SLC24A4: variants seen among roughly 807,000 people sequenced by gnomAD.
SLC24A4 encodes the protein sodium/potassium/calcium exchanger 4.
A neutral mutation model predicts 79.0 loss-of-function variants in SLC24A4; 53 were observed. That is an observed-to-expected ratio of 0.67 (90% CI 0.54 to 0.84). The LOEUF is 0.84. Among genes scored for constraint, SLC24A4 ranks in the 40% least tolerant of loss-of-function variants. SLC24A4 has a pLI of 0.00. For missense variants in SLC24A4, 731 were observed against 822.0 expected, an observed-to-expected ratio of 0.89 and a Z score of 1.35; for synonymous variants, 323 against 323.8, an observed-to-expected ratio of 1.00 and a Z score of 0.03.
rs1468277822 is a variant in SLC24A4 at position 92,449,025 on chromosome 14, G to T, written c.738-49G>T. The T allele has an allele frequency of 1.9e-6, 3 of 1,607,250 alleles. No homozygotes were observed. The African/African-American group carries it at 4.0e-5, about 21-fold the overall frequency. ...GTGTGATCCACCCGCTGCCCAGTTG[G>T]TGGGACTCCTTTCCATTGCCCTGAC... On this transcript the variant is annotated intron_variant, in intron 9 of 16. Transcript: ENST00000532405.
At chr14:92,399,697 T>G (rs1038820475) in intron 2 of SLC24A4, among the ~76,000 whole-genome samples, 3 of 152,260 alleles carry the variant, frequency 2.0e-5, no homozygotes, top group Non-Finnish European at 4.4e-5. Context: ...GATCATTTAC[T>G]TCTCTGGTAA....
chr14:92,470,915 G>T (rs900196280), intron 12 of SLC24A4, among the ~76,000 whole-genome samples: 8 of 152,228 alleles, frequency 5.3e-5, no homozygotes, highest in Non-Finnish European at 1.2e-4. Context: ...TAGACCCAGG[G>T]TTCAGAGGAA....
At chr14:92,382,654 G>T (rs1278808270) in intron 2 of SLC24A4, among the ~76,000 whole-genome samples, 10 of 152,164 alleles carry the variant, frequency 6.6e-5, no homozygotes, top group Admixed American at 6.5e-4. Context: ...ATCAGAGCAG[G>T]AACTGGAACC....
chr14:92,371,017 TAGAA>T (rs1419090997), intron 2 of SLC24A4, among the ~76,000 whole-genome samples: 11 of 152,188 alleles, frequency 7.2e-5, no homozygotes, highest in African/African-American at 2.2e-4. Flanking sequence ...ATACAAGAGA[TAGAA>T]AGAAATTATT....
intron 2 of SLC24A4, among the ~76,000 whole-genome samples, chr14:92,371,748 A>G (rs1253226762): frequency 6.6e-6 from 1 of 152,232 alleles, no homozygotes; most frequent in Non-Finnish European, 1.5e-5. Context: ...AAAGAACCTT[A>G]AATGTCACCC....
chr14:92,402,727 A>C (rs538747768), intron 2 of SLC24A4, among the ~76,000 whole-genome samples: 31 of 152,200 alleles, frequency 2.0e-4, no homozygotes, highest in Middle Eastern at 3.4e-3. Context: ...TTGGGGAGGG[A>C]AACTCCACCT....
At chr14:92,332,332 A>T (rs1276083748) in intron 2 of SLC24A4, among the ~76,000 whole-genome samples, 1 of 152,198 alleles carries the variant, frequency 6.6e-6, no homozygotes, top group African/African-American at 2.4e-5. Context: ...AGTTTATGTA[A>T]TCAGTAAGGC....
At chr14:92,396,797 C>T (rs959408577) in intron 2 of SLC24A4, among the ~76,000 whole-genome samples, 1 of 152,024 alleles carries the variant, frequency 6.6e-6, no homozygotes, top group African/African-American at 2.4e-5. Context: ...TTTGTGTGGC[C>T]GTCTGTTGAG....
intron 12 of SLC24A4, 97 bp downstream of exon 12, chr14:92,456,705 G>C (rs1893492197): frequency 1.6e-6 from 2 of 1,241,088 alleles, no homozygotes; most frequent in Admixed American, 4.2e-5. Context: ...ACTTGTAAGG[G>C]CGGCAGAGGG....
intron 2 of SLC24A4, among the ~76,000 whole-genome samples, chr14:92,361,923 G>A (rs1887554543): frequency 6.6e-6 from 1 of 152,142 alleles, no homozygotes; most frequent in Non-Finnish European, 1.5e-5. Context: ...CATCTCAAAG[G>A]GGAGGCAAAG....
intron 2 of SLC24A4, among the ~76,000 whole-genome samples, chr14:92,422,483 G>A (rs1295349041): frequency 2.0e-5 from 3 of 152,232 alleles, no homozygotes; most frequent in Admixed American, 6.5e-5. Context: ...CTTACTGGCT[G>A]CACCTTGGGC....
chr14:92,395,819 A>T (rs931367115), intron 2 of SLC24A4, among the ~76,000 whole-genome samples: 2 of 151,794 alleles, frequency 1.3e-5, no homozygotes, highest in Admixed American at 1.3e-4. Context: ...TTTCATATTT[A>T]TTATTTATTT....
intron 2 of SLC24A4, among the ~76,000 whole-genome samples, chr14:92,403,095 C>T (rs1427174474): frequency 6.6e-6 from 1 of 152,076 alleles, no homozygotes; most frequent in African/African-American, 2.4e-5. Flanking sequence ...CAGAAGGGGA[C>T]AGGGAGTTGA....
intron 2 of SLC24A4, among the ~76,000 whole-genome samples, chr14:92,406,226 C>G (rs1381459966): frequency 6.6e-6 from 1 of 152,240 alleles, no homozygotes; most frequent in Non-Finnish European, 1.5e-5. Flanking sequence ...GGGTGGGCTC[C>G]CATGGCCTTG....
intron 2 of SLC24A4, among the ~76,000 whole-genome samples, chr14:92,361,009 G>T (rs1011383922): frequency 3.3e-5 from 5 of 152,252 alleles, no homozygotes; most frequent in African/African-American, 1.2e-4. Context: ...AAAGGGAACA[G>T]TTTAATCTTT....
At chr14:92,324,061 T>C (rs1163172395) in intron 1 of SLC24A4, 101 bp downstream of exon 1, 1 of 1,480,060 alleles carries the variant, frequency 6.8e-7, no homozygotes, top group East Asian at 2.5e-5. Flanking sequence ...CCTCATCAGG[T>C]TGGTCCCAAG....
intron 2 of SLC24A4, among the ~76,000 whole-genome samples, chr14:92,415,588 G>T (rs1386195380): frequency 1.3e-5 from 2 of 152,058 alleles, no homozygotes; most frequent in Non-Finnish European, 2.9e-5. Context: ...CTCCAGAGTA[G>T]CTGGGATTGT....
intron 2 of SLC24A4, among the ~76,000 whole-genome samples, chr14:92,362,746 C>T (rs980800248): frequency 5.3e-5 from 8 of 152,246 alleles, no homozygotes; most frequent in Non-Finnish European, 1.0e-4. Flanking sequence ...TGCGCTCCTC[C>T]TCTCTGAATG....
intron 2 of SLC24A4, among the ~76,000 whole-genome samples, chr14:92,413,491 C>T (rs1290979189): frequency 6.6e-6 from 1 of 152,200 alleles, no homozygotes; most frequent in Non-Finnish European, 1.5e-5. Context: ...CCCTCTTCTG[C>T]GTTCCACTAA....
Sources: gnomAD v4.1 joint callset for allele counts (sites outside exome capture counted in the v4.1 genomes callset) on GRCh38, gnomAD v4.1.1 for gene constraint, MANE v1.5 for transcripts, NCBI Gene and HGNC (gene_info 2026-07-23, HGNC 2026-07-21) for gene names.